Variants in CD109 observed in about 807,000 individuals in gnomAD.
The protein encoded by CD109 is CD109 molecule, also known as CD109 antigen.
In CD109, 149 loss-of-function variants were observed where a neutral mutation model predicts 165.8. The observed-to-expected ratio is 0.90, with a 90% confidence interval of 0.79 to 1.03. The LOEUF (loss-of-function observed/expected upper bound fraction) is 1.03, where lower values mean the gene tolerates loss of function less well. CD109 is among the 50% of genes least tolerant of loss of function. CD109 has a pLI of 0.00. For missense variants in CD109, 1,712 were observed against 1,677.8 expected, an observed-to-expected ratio of 1.02 and a Z score of -0.36; for synonymous variants, 585 against 592.1, an observed-to-expected ratio of 0.99 and a Z score of 0.18.
chr6:73,791,056 T>C (rs2150265628), intron 22 of CD109, among the ~76,000 whole-genome samples: 1 of 149,970 alleles, frequency 6.7e-6, no homozygotes. Context: ...CACTGGCAGA[T>C]GTAATGCTTT....
upstream of CD109, among the ~76,000 whole-genome samples, chr6:73,691,323 G>C (rs1248447817): frequency 6.6e-6 from 1 of 152,194 alleles, no homozygotes; most frequent in African/African-American, 2.4e-5. Flanking sequence ...TATGGACAGA[G>C]CAGACTATAA....
chr6:73,708,377 A>T (rs866124318), intron 2 of CD109, among the ~76,000 whole-genome samples: 23 of 152,070 alleles, frequency 1.5e-4, no homozygotes, highest in South Asian at 2.1e-4. Context: ...ATGTGCCACA[A>T]TTTCTTAATC....
chr6:73,696,882 T>C (rs1301074315), intron 1 of CD109, among the ~76,000 whole-genome samples: 2 of 152,254 alleles, frequency 1.3e-5, no homozygotes, highest in Non-Finnish European at 2.9e-5. Context: ...TTGTAGTTTA[T>C]TTTCAAATGG....
the CD109 span, among the ~76,000 whole-genome samples, chr6:73,686,269 A>G: frequency 6.6e-6 from 1 of 152,268 alleles, no homozygotes. Context: ...TGAGGGGATG[A>G]GCCCTGGAAA....
At chr6:73,702,064 A>C (rs1359603041) in intron 2 of CD109, among the ~76,000 whole-genome samples, 1 of 152,164 alleles carries the variant, frequency 6.6e-6, no homozygotes, top group Admixed American at 6.5e-5. Context: ...TGCCAATCCT[A>C]CTTCCATCTT....
chr6:73,786,648 G>A (rs966914901), intron 20 of CD109, among the ~76,000 whole-genome samples: 1 of 152,024 alleles, frequency 6.6e-6, no homozygotes, highest in Non-Finnish European at 1.5e-5. Context: ...AGAAGCAGAT[G>A]AAAACATCAA....
intron 5 of CD109, among the ~76,000 whole-genome samples, chr6:73,742,050 T>G (rs1323243309): frequency 6.6e-6 from 1 of 152,250 alleles, no homozygotes; most frequent in Admixed American, 6.5e-5. Flanking sequence ...TAACCATTTT[T>G]AAGTGTACAG....
Position 73,766,108 on chromosome 6 carries a change from A to T in CD109, c.1286A>T (p.Lys429Met). 6.2e-7 allele frequency: 1 copy of T among 1,614,170 alleles called. No individual in the cohort carries two copies. Among genetic ancestry groups the T allele is most frequent in the East Asian group, 2.2e-5 (1 of 44,874 alleles). ...NYTVPQSGTFKIEFPILEDSS... is the reference protein window; with the variant it reads ...NYTVPQSGTFMIEFPILEDSS... ...ACTGTCCCCCAAAGTGGAACTTTTA[A>T]GATTGAATTCCCAATCCTGGAGGAT... Residue 429 changes from lysine (K) to methionine (M), a missense_variant, in exon 11 of 33, where the codon AAG (lysine) becomes ATG (methionine). Lys to Met is a moderately conservative substitution (Grantham distance 95). Transcript: ENST00000287097.
rs1776279218 is a variant in CD109 at position 73,826,424 on chromosome 6, A to G, written c.*2791A>G. 6.6e-6 allele frequency: 1 copy of G among 152,198 alleles called. No homozygotes were observed. Among genetic ancestry groups the G allele is most frequent in the Admixed American group, 6.5e-5 (1 of 15,280 alleles). The allele number at this position is 152,198 out of a possible 1,614,324, so 9.4% of individuals were successfully genotyped here. On this transcript the variant is annotated 3_prime_UTR_variant, in exon 33 of 33. Transcript: ENST00000287097. ...GGGAACCTTAGTAAAACACCAGCATATCTTACCTCTCTTTCTGACTGGCCG... is the reference window on the plus strand; with the variant it reads ...GGGAACCTTAGTAAAACACCAGCATGTCTTACCTCTCTTTCTGACTGGCCG...
intron 2 of CD109, among the ~76,000 whole-genome samples, chr6:73,700,085 A>G (rs563231252): frequency 2.0e-5 from 3 of 152,122 alleles, no homozygotes; most frequent in South Asian, 2.1e-4. Context: ...ACAAATAAAT[A>G]CCTTTTATTT....
chr6:73,805,461 C>A (rs1205050141), intron 24 of CD109, among the ~76,000 whole-genome samples: 1 of 152,218 alleles, frequency 6.6e-6, no homozygotes, highest in Non-Finnish European at 1.5e-5. Flanking sequence ...GGATTTTATA[C>A]CGAGACATTC....
At chr6:73,739,575 G>C (rs921036993) in intron 5 of CD109, among the ~76,000 whole-genome samples, 1 of 152,120 alleles carries the variant, frequency 6.6e-6, no homozygotes, top group Admixed American at 6.5e-5. Flanking sequence ...TTGGCTGGGC[G>C]TGGTGGCTCA....
At chr6:73,738,490 C>T (rs562690608) in intron 5 of CD109, among the ~76,000 whole-genome samples, 1 of 152,222 alleles carries the variant, frequency 6.6e-6, no homozygotes, top group East Asian at 1.9e-4. Context: ...TTAATTTGTT[C>T]ATTGAATGGT....
At chr6:73,679,911 A>G in the CD109 span, among the ~76,000 whole-genome samples, 2 of 152,214 alleles carry the variant, frequency 1.3e-5, no homozygotes. Context: ...CTGGGATTAC[A>G]GGCGTGTGTG....
rs765361582 is a variant in CD109 at position 73,808,262 on chromosome 6, C to T, written c.3355+14C>T. On this transcript the variant is annotated intron_variant, in intron 26 of 32. Coordinates refer to ENST00000287097, the MANE Select transcript of CD109 (RefSeq NM_133493.5). ...CAGAACAAGAAGGTAATGTGCTGGG[C>T]CCACTTGAGGTTGTTATGCTTTATG... 7 of 1,599,776 alleles carry T rather than the reference C, an allele frequency of 4.4e-6. No individual in the cohort carries two copies. The Admixed American group carries it at 1.3e-4, about 29-fold the overall frequency.
intron 23 of CD109, among the ~76,000 whole-genome samples, chr6:73,797,009 C>T (rs956622812): frequency 3.9e-5 from 6 of 152,080 alleles, no homozygotes; most frequent in Non-Finnish European, 1.5e-5. Context: ...TTTTCTTTTG[C>T]CATCACATTT....
At chr6:73,690,399 T>C in the CD109 span, among the ~76,000 whole-genome samples, 2 of 152,008 alleles carry the variant, frequency 1.3e-5, no homozygotes, top group Admixed American at 6.6e-5. Flanking sequence ...GTGATAAACA[T>C]TTTTTTTGTT....
At chr6:73,749,474 A>G (rs915748237) in intron 5 of CD109, among the ~76,000 whole-genome samples, 2 of 152,112 alleles carry the variant, frequency 1.3e-5, no homozygotes, top group Admixed American at 1.3e-4. Context: ...TGTAGAGAGT[A>G]GTAGTTGAAG....
the CD109 span, among the ~76,000 whole-genome samples, chr6:73,685,109 G>A: frequency 6.6e-6 from 1 of 151,274 alleles, no homozygotes; most frequent in East Asian, 2.0e-4. Context: ...TCACTGTGTT[G>A]GCCAGGATGG....
Sources: allele counts gnomAD v4.1 joint callset (sites outside exome capture counted in the v4.1 genomes callset), GRCh38; gene constraint gnomAD v4.1.1; transcripts MANE v1.5; gene names NCBI Gene and HGNC (gene_info 2026-07-23, HGNC 2026-07-21).